Variants in GLI3 observed in about 807,000 individuals in gnomAD.
GLI3 encodes the protein transcription activator GLI3.
Under a neutral mutation model 100.8 loss-of-function variants are expected in GLI3, and 20 were observed. The observed-to-expected ratio is 0.20, with a 90% CI of 0.14 to 0.29. GLI3 has a LOEUF of 0.29. Ranked by LOEUF, GLI3 falls within the 10% of genes least tolerant of loss-of-function variation. The probability of loss-of-function intolerance (pLI) is 1.00; values close to 1 mark genes in which losing one functional copy is unlikely to be tolerated. For missense variants in GLI3, 2,040 were observed against 2,128.5 expected (o/e 0.96, Z 0.82); for synonymous variants, 938 against 860.5 (o/e 1.09, Z -1.58).
At position 42,133,039 on chromosome 7, in the gene GLI3, T is replaced by G. The variant is rs191416270; in HGVS notation, c.367+15187A>C. 3.9e-4 allele frequency among the ~76,000 whole-genome samples: 60 copies of G among 152,330 alleles called. No individual in the cohort carries two copies. In the East Asian group the frequency reaches 0.01, roughly 25 times the overall value. On this transcript the variant is annotated intron_variant, in intron 3 of 14. Coordinates refer to ENST00000395925, the MANE Select transcript of GLI3 (RefSeq NM_000168.6). Reference sequence around the variant, plus strand: ...AATCCTCTGCACCAAAACCCTCTCCTACAATTTCAGAACACCAAAAGGCCT... The same window carrying G: ...AATCCTCTGCACCAAAACCCTCTCCGACAATTTCAGAACACCAAAAGGCCT...
At chr7:42,019,134 A>G (rs763013078) in intron 10 of GLI3, among the ~76,000 whole-genome samples, 6 of 152,198 alleles carry the variant, frequency 3.9e-5, no homozygotes, top group Admixed American at 6.5e-5. Flanking sequence ...GTGGACATGA[A>G]GTATGGTGAT....
intron 13 of GLI3, among the ~76,000 whole-genome samples, chr7:41,971,192 C>T (rs1203661363): frequency 6.6e-6 from 1 of 152,216 alleles, no homozygotes; most frequent in Non-Finnish European, 1.5e-5. Context: ...CGTACTGTGA[C>T]ATCACTCATG....
chr7:42,256,005 C>T (rs1056861199), intron 1 of GLI3, among the ~76,000 whole-genome samples: 4 of 152,132 alleles, frequency 2.6e-5, no homozygotes, highest in African/African-American at 7.2e-5. Flanking sequence ...TTATTCTAGT[C>T]AGTGTGTAGC....
chr7:42,034,504 G>A (rs1168709894), intron 7 of GLI3, among the ~76,000 whole-genome samples: 2 of 152,178 alleles, frequency 1.3e-5, no homozygotes, highest in East Asian at 1.9e-4. Context: ...GGTCCAAGAT[G>A]CTGTGGTATA....
At position 41,976,251 on chromosome 7, in the gene GLI3, G is replaced by T. The variant is rs370703791; in HGVS notation, c.1812+1307C>A. ...GTAAAAGCATTTTTACATTAAAAAT[G>T]GAGATGTGGCATCTTTAAAATGTCT... On this transcript the variant is annotated intron_variant, in intron 12 of 14. Coordinates refer to ENST00000395925, the MANE Select transcript of GLI3 (RefSeq NM_000168.6). Among the ~76,000 whole-genome samples the T allele has an allele frequency of 2.1e-4, 32 of 152,270 alleles. No individual in the cohort carries two copies. In the South Asian group the frequency reaches 5.4e-3, roughly 26 times the overall value.
chr7:42,177,926 G>A lies in GLI3; in HGVS notation c.125-29458C>T, dbSNP rs927422328. Among the ~76,000 whole-genome samples the A allele has an allele frequency of 9.2e-5, 14 of 152,262 alleles. No individual in the cohort carries two copies. The South Asian group carries it at 1.0e-3, about 11-fold the overall frequency. ...CACTCACGACTCCATGAACATTCAC[G>A]CAACCCCGCTAAGTGTGGGGACCAG... On this transcript the variant is annotated intron_variant, in intron 2 of 14. Coordinates refer to ENST00000395925, the MANE Select transcript of GLI3 (RefSeq NM_000168.6).
chr7:42,104,399 T>C (rs1785531369), intron 3 of GLI3, among the ~76,000 whole-genome samples: 1 of 152,172 alleles, frequency 6.6e-6, no homozygotes, highest in Non-Finnish European at 1.5e-5. Context: ...TTCCCATCTC[T>C]ACAGTGGGTA....
rs748670269 is a variant in GLI3 at position 42,026,418 on chromosome 7, C to A, written c.1029-6G>T. 7 of 1,611,338 alleles carry A rather than the reference C, an allele frequency of 4.3e-6. No homozygotes were observed. The South Asian group carries it at 6.6e-5, about 15-fold the overall frequency. On this transcript the variant is annotated splice_region_variant and splice_polypyrimidine_tract_variant and intron_variant, in intron 7 of 14. Coordinates refer to ENST00000395925, the MANE Select transcript of GLI3 (RefSeq NM_000168.6). ...AGGTGAAGCTCAAGGCAGGGCTGCA[C>A]GGGGGAGATAAAAAAAGACGATCAT...
Position 42,232,193 on chromosome 7 carries a change from T to C in GLI3, c.-43+4778A>G, listed in dbSNP as rs532615104. Among the ~76,000 whole-genome samples, 4 of 152,124 alleles carry C rather than the reference T, an allele frequency of 2.6e-5. No individual in the cohort carries two copies. In the South Asian group the frequency reaches 8.3e-4, roughly 32 times the overall value. Reference sequence around the variant, plus strand: ...TTTCAGGCCAGCAGTCAATCCAATTTACTGCAGGTACAATTTATATGTACA... The same window carrying C: ...TTTCAGGCCAGCAGTCAATCCAATTCACTGCAGGTACAATTTATATGTACA... On this transcript the variant is annotated intron_variant, in intron 1 of 14. Transcript: ENST00000395925.
intron 2 of GLI3, among the ~76,000 whole-genome samples, chr7:42,206,020 C>A (rs938240939): frequency 2.6e-5 from 4 of 152,160 alleles, no homozygotes; most frequent in African/African-American, 9.7e-5. Context: ...GTAATCCCAG[C>A]ACTTTGGGAG....
intron 2 of GLI3, among the ~76,000 whole-genome samples, chr7:42,178,411 T>A (rs1787524863): frequency 6.6e-6 from 1 of 152,158 alleles, no homozygotes; most frequent in African/African-American, 2.4e-5. Context: ...TACTGACCAT[T>A]CTGGAATATG....
chr7:42,145,355 T>G (rs1786676198), intron 3 of GLI3: 1 of 391,558 alleles, frequency 2.6e-6, no homozygotes, highest in South Asian at 1.4e-4. Context: ...TTTGCATTTG[T>G]TACATAAAAC....
chr7:42,229,379 G>A (rs1788650113), intron 1 of GLI3, among the ~76,000 whole-genome samples: 1 of 152,320 alleles, frequency 6.6e-6, no homozygotes, highest in Non-Finnish European at 1.5e-5. Flanking sequence ...CATTCCAGGC[G>A]AGGCAGTGCT....
In GLI3 at chr7:42,260,569, T is replaced by C. The variant is rs749217165; in HGVS notation, c.-43+3425A>G. Among the ~76,000 whole-genome samples, 10 of 152,178 alleles carry C rather than the reference T, an allele frequency of 6.6e-5. 1 individual carries two copies. Among genetic ancestry groups the C allele is most frequent in the Non-Finnish European group, 5.9e-5 (4 of 68,014 alleles). On this transcript the variant is annotated intron_variant, in intron 1 of 2. Transcript: ENST00000678978. ...GTCAATAGAATTTTGATGAGCAAGG[T>C]GTGAGAATGTTCATTTTCTTTATTA...
chr7:42,230,965 C>G (rs912526685), intron 1 of GLI3, among the ~76,000 whole-genome samples: 1 of 152,148 alleles, frequency 6.6e-6, no homozygotes, highest in Non-Finnish European at 1.5e-5. Flanking sequence ...ACATATATCA[C>G]AAAAATATCA....
At chr7:42,173,509 C>A (rs1015005464) in intron 2 of GLI3, among the ~76,000 whole-genome samples, 1 of 152,146 alleles carries the variant, frequency 6.6e-6, no homozygotes, top group African/African-American at 2.4e-5. Context: ...GATTTAGAAG[C>A]AAATAAATAT....
intron 3 of GLI3, among the ~76,000 whole-genome samples, chr7:42,105,864 T>C: frequency 6.6e-6 from 1 of 152,106 alleles, no homozygotes; most frequent in Non-Finnish European, 1.5e-5. Flanking sequence ...TGCAGTCACA[T>C]AAGACTGATT....
chr7:42,138,943 C>T (rs946389180), intron 3 of GLI3, among the ~76,000 whole-genome samples: 3 of 152,186 alleles, frequency 2.0e-5, no homozygotes, highest in Admixed American at 1.3e-4. Context: ...GGGGTCCCAT[C>T]CTCTCCCCTG....
intron 13 of GLI3, among the ~76,000 whole-genome samples, chr7:41,970,368 C>G (rs1262457771): frequency 3.9e-5 from 6 of 152,072 alleles, no homozygotes; most frequent in African/African-American, 1.4e-4. Context: ...TGTGTGTGAG[C>G]ATATACACAC....
Sources: allele counts gnomAD v4.1 joint callset (sites outside exome capture counted in the v4.1 genomes callset), GRCh38; gene constraint gnomAD v4.1.1; transcripts MANE v1.5; gene names NCBI Gene and HGNC (gene_info 2026-07-23, HGNC 2026-07-21).